The following CTIF variants were observed in gnomAD, a reference collection of about 807,000 sequenced individuals.
The protein encoded by CTIF is cap binding complex dependent translation initiation factor, also known as CBP80/20-dependent translation initiation factor.
Under a neutral mutation model 66.0 loss-of-function variants are expected in CTIF, and 21 were observed. The ratio of observed to expected loss-of-function variants is 0.32; its 90% CI spans 0.23 to 0.46. CTIF has a LOEUF of 0.46. Ranked by LOEUF, CTIF falls within the 20% of genes least tolerant of loss-of-function variation. The pLI, the probability that CTIF is intolerant of heterozygous loss-of-function variation, is 1.00. For synonymous variants in CTIF, 345 were observed against 326.4 expected (o/e 1.06, Z -0.62); for missense variants, 739 against 812.7 (o/e 0.91, Z 1.10).
chr18:48,855,855 G>A (rs544685880), intron 10 of CTIF, among the ~76,000 whole-genome samples: 5 of 152,318 alleles, frequency 3.3e-5, no homozygotes, highest in Admixed American at 3.3e-4. Flanking sequence ...CAAAATGACT[G>A]AGGTTTTGAG....
At chr18:48,693,239 C>A (rs930737962) in intron 6 of CTIF, among the ~76,000 whole-genome samples, 1 of 152,190 alleles carries the variant, frequency 6.6e-6, no homozygotes, top group Non-Finnish European at 1.5e-5. Context: ...TCCAAGGGCT[C>A]TGGGCATGTT....
intron 6 of CTIF, among the ~76,000 whole-genome samples, chr18:48,696,044 C>T (rs2145325008): frequency 6.6e-6 from 1 of 152,384 alleles, no homozygotes; most frequent in Non-Finnish European, 1.5e-5. Context: ...TGTCACAGAT[C>T]TGGCAGGTTT....
chr18:48,653,796 T>G (rs957999909), intron 3 of CTIF, among the ~76,000 whole-genome samples: 1 of 152,004 alleles, frequency 6.6e-6, no homozygotes, highest in Non-Finnish European at 1.5e-5. Context: ...CAATGGAACA[T>G]AACAGAGGCC....
At chr18:48,646,589 A>T (rs1407290663) in intron 3 of CTIF, among the ~76,000 whole-genome samples, 1 of 151,998 alleles carries the variant, frequency 6.6e-6, no homozygotes, top group African/African-American at 2.4e-5. Context: ...TCAACAAAAA[A>T]TACAAGCATT....
intron 1 of CTIF, among the ~76,000 whole-genome samples, chr18:48,586,563 G>T (rs368889910): frequency 1.3e-5 from 2 of 152,142 alleles, no homozygotes; most frequent in East Asian, 3.9e-4. Flanking sequence ...GAGCCACCAC[G>T]CCCGGCCTTA....
intron 2 of CTIF, among the ~76,000 whole-genome samples, chr18:48,634,849 A>G: frequency 6.6e-6 from 1 of 152,258 alleles, no homozygotes; most frequent in East Asian, 1.9e-4. Context: ...TGGCTCATCC[A>G]AACTGAGGTG....
rs192587963 is a variant in CTIF at position 48,839,482 on chromosome 18, A to G, written c.1528-18106A>G. On this transcript the variant is annotated intron_variant, in intron 10 of 11. Coordinates refer to ENST00000256413, the MANE Select transcript of CTIF (RefSeq NM_014772.3). Reference sequence around the variant, plus strand: ...CCGAGCTCACTGTGTGCCAGATACTATCCTAAACACCCCACATCCTCTTCT... The same window carrying G: ...CCGAGCTCACTGTGTGCCAGATACTGTCCTAAACACCCCACATCCTCTTCT... Among the ~76,000 whole-genome samples the G allele has an allele frequency of 5.3e-5, 8 of 152,294 alleles. No individual in the cohort carries two copies. The East Asian group carries it at 7.7e-4, about 15-fold the overall frequency.
At chr18:48,671,585 C>T (rs900258646) in intron 6 of CTIF, among the ~76,000 whole-genome samples, 1 of 152,144 alleles carries the variant, frequency 6.6e-6, no homozygotes, top group Non-Finnish European at 1.5e-5. Flanking sequence ...CAGTTAAGAC[C>T]TCATCTATTT....
At chr18:48,687,137 G>A (rs2091852869) in intron 6 of CTIF, among the ~76,000 whole-genome samples, 1 of 152,086 alleles carries the variant, frequency 6.6e-6, no homozygotes, top group African/African-American at 2.4e-5. Context: ...ATGGTGTCGT[G>A]TGGGAGTCGG....
At chr18:48,782,560 A>G (rs1299516148) in intron 9 of CTIF, among the ~76,000 whole-genome samples, 1 of 152,218 alleles carries the variant, frequency 6.6e-6, no homozygotes, top group Non-Finnish European at 1.5e-5. Flanking sequence ...CCCAGGGGAC[A>G]TGAATGCCAC....
intron 1 of CTIF, among the ~76,000 whole-genome samples, chr18:48,584,789 CTG>C (rs924788434): frequency 2.0e-5 from 3 of 152,238 alleles, no homozygotes; most frequent in Admixed American, 6.5e-5. Flanking sequence ...TGTTTACAAA[CTG>C]TGCTTCCTTT....
chr18:48,817,184 C>A, intron 9 of CTIF, 37 bp from the exon 10 acceptor site: 2 of 1,598,350 alleles, frequency 1.3e-6, no homozygotes, highest in South Asian at 1.1e-5. Flanking sequence ...CCCTCCCCAG[C>A]CCCGGGAGGC....
At chr18:48,777,399 C>T (rs1344389286) in intron 9 of CTIF, among the ~76,000 whole-genome samples, 1 of 152,168 alleles carries the variant, frequency 6.6e-6, no homozygotes, top group Non-Finnish European at 1.5e-5. Flanking sequence ...TTTTCAGACC[C>T]CTTGGGGTCC....
intron 2 of CTIF, among the ~76,000 whole-genome samples, chr18:48,635,971 A>G (rs756094956): frequency 6.6e-6 from 1 of 152,182 alleles, no homozygotes; most frequent in Non-Finnish European, 1.5e-5. Context: ...CCCTGGCCTC[A>G]CAGAGTCTAA....
At chr18:48,836,197 C>A (rs1402689328) in intron 10 of CTIF, among the ~76,000 whole-genome samples, 3 of 151,494 alleles carry the variant, frequency 2.0e-5, no homozygotes, top group Non-Finnish European at 2.9e-5. Flanking sequence ...CATTCAAGAT[C>A]CCAGCAACAA....
chr18:48,702,543 C>T (rs2092097683), intron 6 of CTIF, among the ~76,000 whole-genome samples: 1 of 152,198 alleles, frequency 6.6e-6, no homozygotes, highest in Non-Finnish European at 1.5e-5. Context: ...GTTCACGCCA[C>T]AGGGCACCAA....
chr18:48,623,846 A>AGGATGGAT (rs529662129), intron 2 of CTIF, among the ~76,000 whole-genome samples: 115 of 150,842 alleles, frequency 7.6e-4, no homozygotes, highest in African/African-American at 2.5e-3. Context: ...AAAGAAATGA[A>AGGATGGAT]GGATGGATGG....
At chr18:48,775,793 A>G (rs1453628031) in intron 9 of CTIF, among the ~76,000 whole-genome samples, 1 of 152,226 alleles carries the variant, frequency 6.6e-6, no homozygotes. Context: ...AGGATCTGTA[A>G]GTGGCAGGAC....
At chr18:48,759,183 G>A (rs920258717) in intron 8 of CTIF, among the ~76,000 whole-genome samples, 6 of 152,180 alleles carry the variant, frequency 3.9e-5, no homozygotes, top group Non-Finnish European at 8.8e-5. Context: ...CACCACCCCC[G>A]ACCCCACTGC....
Sources: gnomAD v4.1 joint callset for allele counts (sites outside exome capture counted in the v4.1 genomes callset) on GRCh38, gnomAD v4.1.1 for gene constraint, MANE v1.5 for transcripts, NCBI Gene and HGNC (gene_info 2026-07-23, HGNC 2026-07-21) for gene names.